The following TMEM120B variants were observed in gnomAD, a reference collection of about 807,000 sequenced individuals.
TMEM120B encodes transmembrane protein 120B.
TMEM120B carries 31 observed loss-of-function variants against 55.5 expected under a neutral mutation model. The ratio of observed to expected loss-of-function variants is 0.56; its 90% CI spans 0.42 to 0.75. The LOEUF (loss-of-function observed/expected upper bound fraction) is 0.75, where lower values mean the gene tolerates loss of function less well. Ranked by LOEUF, TMEM120B falls within the 30% of genes least tolerant of loss-of-function variation. TMEM120B has a pLI of 0.00. For synonymous variants in TMEM120B, 203 were observed against 176.3 expected, an observed-to-expected ratio of 1.15 and a Z score of -1.20; for missense variants, 399 against 425.5, an observed-to-expected ratio of 0.94 and a Z score of 0.55.
At chr12:121,767,462 C>A (rs1033309727) in intron 6 of TMEM120B, among the ~76,000 whole-genome samples, 2 of 152,098 alleles carry the variant, frequency 1.3e-5, no homozygotes, top group Admixed American at 1.3e-4. Flanking sequence ...GCCCAGCTGC[C>A]CCTGCAAGCT....
chr12:121,767,192 G>A (rs967728648), intron 6 of TMEM120B, among the ~76,000 whole-genome samples: 2 of 152,148 alleles, frequency 1.3e-5, no homozygotes, highest in Non-Finnish European at 2.9e-5. Flanking sequence ...ATGGAGTCTC[G>A]CTCTGTCGCC....
intron 5 of TMEM120B, among the ~76,000 whole-genome samples, chr12:121,755,683 T>A (rs2137241412): frequency 6.6e-6 from 1 of 152,028 alleles, no homozygotes; most frequent in African/African-American, 2.4e-5. Flanking sequence ...CAGGAGACAC[T>A]GGTAGTGGAA....
chr12:121,724,270 C>T lies in TMEM120B; in HGVS notation c.69+11306C>T, dbSNP rs369799912. On this transcript the variant is annotated intron_variant, in intron 1 of 11. Transcript: ENST00000449592. ...CAGACTGGTCTTGAACTCCTGACTT[C>T]GTGATCCGCCCGCCTCAGCCTCTCA... Among the ~76,000 whole-genome samples the T allele has an allele frequency of 1.3e-3, 191 of 151,956 alleles. 2 individuals carry two copies. The highest frequency in any genetic ancestry group is 4.1e-3 in the African/African-American group (170 of 41,450).
intron 6 of TMEM120B, among the ~76,000 whole-genome samples, chr12:121,769,590 G>C (rs1029125523): frequency 4.6e-5 from 7 of 152,118 alleles, no homozygotes; most frequent in Non-Finnish European, 7.4e-5. Flanking sequence ...TGTGATCCCA[G>C]CTACTCAGGA....
intron 3 of TMEM120B, 47 bp from the exon 4 acceptor site, chr12:121,750,333 G>A (rs770977162): frequency 1.9e-6 from 3 of 1,563,536 alleles, no homozygotes; most frequent in Non-Finnish European, 2.6e-6. Flanking sequence ...TTGTTGATTC[G>A]CACCCACCTG....
chr12:121,761,825 A>C (rs1873688153), intron 6 of TMEM120B, 87 bp downstream of exon 6: 1 of 1,022,890 alleles, frequency 9.8e-7, no homozygotes, highest in Non-Finnish European at 1.5e-6. Context: ...CGACACCCTC[A>C]GGCTGCATTC....
intron 1 of TMEM120B, among the ~76,000 whole-genome samples, chr12:121,723,801 CTTCTT>C (rs1402041368): frequency 6.6e-6 from 1 of 151,990 alleles, no homozygotes; most frequent in African/African-American, 2.4e-5. Flanking sequence ...TGTACTATTC[CTTCTT>C]TTCTTTTGTT....
intron 1 of TMEM120B, among the ~76,000 whole-genome samples, chr12:121,717,950 C>A (rs1210375729): frequency 1.3e-5 from 2 of 152,188 alleles, no homozygotes; most frequent in African/African-American, 2.4e-5. Flanking sequence ...GCTACCGCAC[C>A]CAGCCGGGCA....
chr12:121,780,795 C>T lies in TMEM120B; in HGVS notation c.*5073C>T, dbSNP rs1242075703. 3 of 1,503,402 alleles carry T rather than the reference C, an allele frequency of 2.0e-6. No individual in the cohort carries two copies. Among genetic ancestry groups the T allele is most frequent in the Non-Finnish European group, 2.7e-6 (3 of 1,120,602 alleles). The allele number at this position is 1,503,402 out of a possible 1,614,324, so 93.1% of individuals were successfully genotyped here. On this transcript the variant is annotated 3_prime_UTR_variant, in exon 12 of 12. Coordinates refer to ENST00000449592, the MANE Select transcript of TMEM120B (RefSeq NM_001080825.2). ...TCAGCTCCCTGAAAGGCCACTAAGG[C>T]ACCCCAGTTGCAGAGGCCAAAGGTC...
intron 1 of TMEM120B, among the ~76,000 whole-genome samples, chr12:121,718,526 A>G (rs1462329597): frequency 1.3e-5 from 2 of 152,062 alleles, no homozygotes; most frequent in Admixed American, 6.6e-5. Flanking sequence ...GAATGAGTGA[A>G]TGAATGAATG....
In TMEM120B at chr12:121,780,774, C is replaced by T; in HGVS notation, c.*5052C>T. 1 of 1,373,752 alleles carries T rather than the reference C, an allele frequency of 7.3e-7. No individual in the cohort carries two copies. Among genetic ancestry groups the T allele is most frequent in the Non-Finnish European group, 9.9e-7 (1 of 1,014,758 alleles). 85.1% of individuals were successfully genotyped at this position (1,373,752 alleles called of 1,614,324 possible). On this transcript the variant is annotated 3_prime_UTR_variant, in exon 12 of 12. Transcript: ENST00000449592. ...ATTCTTAGAATCTTGCTTCCCTCAG[C>T]TCCCTGAAAGGCCACTAAGGCACCC... is the stretch of plus-strand genomic sequence containing the variant.
chr12:121,712,962 C>A lies in TMEM120B; in HGVS notation c.67C>A (p.Gln23Lys). The A allele has an allele frequency of 6.5e-7, 1 of 1,538,184 alleles. No homozygotes were observed. The highest frequency in any genetic ancestry group is 2.7e-5 in the East Asian group (1 of 37,248). ...HELEGEFQELQETHRIYKQKL... is the reference protein window; with the variant it reads ...HELEGEFQELKETHRIYKQKL... ...GCTGGAGGGAGAATTTCAAGAACTG[C>A]AGGTAGGGCCAGGCCACCTGGTCCC... The change falls in exon 1 of 12, where the codon CAG becomes AAG. Residue 23 changes from glutamine to lysine, a missense_variant and splice_region_variant. Gln to Lys is a moderately conservative substitution (Grantham distance 53, BLOSUM62 1). Transcript: ENST00000449592.
intron 1 of TMEM120B, among the ~76,000 whole-genome samples, chr12:121,726,536 G>T (rs960773580): frequency 6.7e-6 from 1 of 149,028 alleles, no homozygotes; most frequent in Non-Finnish European, 1.5e-5. Flanking sequence ...CCGAGATCGC[G>T]CTACTGCACT....
chr12:121,715,811 A>T (rs1894690149), intron 1 of TMEM120B, among the ~76,000 whole-genome samples: 1 of 151,956 alleles, frequency 6.6e-6, no homozygotes, highest in Non-Finnish European at 1.5e-5. Flanking sequence ...GGGGCCACAC[A>T]GCTAGTTAGT....
chr12:121,760,335 C>T (rs1451025898), intron 5 of TMEM120B, among the ~76,000 whole-genome samples: 9 of 151,744 alleles, frequency 5.9e-5, no homozygotes, highest in East Asian at 1.9e-4. Flanking sequence ...AGAAGAGGGC[C>T]GAGCGGGCAT....
chr12:121,758,034 G>A (rs532312043), intron 5 of TMEM120B: 10 of 350,386 alleles, frequency 2.9e-5, no homozygotes, highest in African/African-American at 1.8e-4. Flanking sequence ...TGAGAGGATC[G>A]CTTGAGCCCA....
At chr12:121,753,624 C>T (rs1040521431) in intron 5 of TMEM120B, among the ~76,000 whole-genome samples, 1 of 151,472 alleles carries the variant, frequency 6.6e-6, no homozygotes, top group Non-Finnish European at 1.5e-5. Context: ...GGTTGTACAA[C>T]TCTGAATATA....
chr12:121,719,134 G>A (rs778450498), intron 1 of TMEM120B, among the ~76,000 whole-genome samples: 6 of 152,048 alleles, frequency 3.9e-5, no homozygotes, highest in African/African-American at 7.2e-5. Flanking sequence ...GCCAGGTCAC[G>A]GTCACATATC....
At chr12:121,722,341 C>G (rs1894809789) in intron 1 of TMEM120B, among the ~76,000 whole-genome samples, 1 of 152,188 alleles carries the variant, frequency 6.6e-6, no homozygotes, top group Admixed American at 6.5e-5. Flanking sequence ...TTGTGATCTG[C>G]TCACCTCAGC....
Sources: allele counts gnomAD v4.1 joint callset (sites outside exome capture counted in the v4.1 genomes callset), GRCh38; gene constraint gnomAD v4.1.1; transcripts MANE v1.5; gene names NCBI Gene and HGNC (gene_info 2026-07-23, HGNC 2026-07-21).